Variants in PLXNA4 observed in about 807,000 individuals in gnomAD.
PLXNA4 encodes the protein plexin A4.
PLXNA4 carries 44 observed loss-of-function variants against 191.8 expected under a neutral mutation model. The ratio of observed to expected loss-of-function variants is 0.23; its 90% CI spans 0.18 to 0.29. The LOEUF is 0.29. PLXNA4 is among the 10% of genes least tolerant of loss of function. PLXNA4 has a pLI of 1.00. For missense variants in PLXNA4, 1,800 were observed against 2,488.8 expected, an observed-to-expected ratio of 0.72 and a Z score of 5.89; for synonymous variants, 1,082 against 1,009.5, an observed-to-expected ratio of 1.07 and a Z score of -1.36.
intron 3 of PLXNA4, among the ~76,000 whole-genome samples, chr7:132,486,874 T>G (rs1797579674): frequency 1.3e-5 from 2 of 152,264 alleles, no homozygotes; most frequent in Non-Finnish European, 1.5e-5. Flanking sequence ...GAGGGTTGTC[T>G]CTGAGCGCCT....
chr7:132,164,641 G>A (rs1253417029), intron 23 of PLXNA4, among the ~76,000 whole-genome samples: 1 of 151,628 alleles, frequency 6.6e-6, no homozygotes, highest in Non-Finnish European at 1.5e-5. Flanking sequence ...TCCAAAGGCA[G>A]AGGTCAGTCC....
At chr7:132,450,654 C>A (rs1173740011) in intron 3 of PLXNA4, among the ~76,000 whole-genome samples, 1 of 152,206 alleles carries the variant, frequency 6.6e-6, no homozygotes, top group Non-Finnish European at 1.5e-5. Context: ...GGTGGCATCA[C>A]TCCAGAATTC....
intron 20 of PLXNA4, among the ~76,000 whole-genome samples, chr7:132,176,202 C>CTGGAGAGT (rs1374746468): frequency 6.6e-6 from 1 of 152,216 alleles, no homozygotes; most frequent in Non-Finnish European, 1.5e-5. Context: ...GGGATGCCAC[C>CTGGAGAGT]TGGAGAGTCC....
At chr7:132,203,635 C>G (rs189317220) in intron 10 of PLXNA4, among the ~76,000 whole-genome samples, 2 of 152,314 alleles carry the variant, frequency 1.3e-5, no homozygotes, top group Admixed American at 1.3e-4. Context: ...TGGAAGATAA[C>G]ACAGGGGTGG....
intron 1 of PLXNA4, among the ~76,000 whole-genome samples, chr7:132,548,466 A>G (rs547491870): frequency 1.3e-5 from 2 of 152,308 alleles, no homozygotes; most frequent in East Asian, 1.9e-4. Flanking sequence ...GACAACACTG[A>G]TAACAGTGAG....
chr7:132,574,043 A>G (rs1802108527), intron 1 of PLXNA4, among the ~76,000 whole-genome samples: 1 of 152,202 alleles, frequency 6.6e-6, no homozygotes, highest in Non-Finnish European at 1.5e-5. Context: ...CTTTACAGAG[A>G]TGTTAATTAA....
At chr7:132,243,809 C>T (rs1407974201) in intron 4 of PLXNA4, among the ~76,000 whole-genome samples, 2 of 152,066 alleles carry the variant, frequency 1.3e-5, no homozygotes, top group African/African-American at 4.8e-5. Flanking sequence ...CTTGTACTGT[C>T]ACTTACCTCT....
At chr7:132,452,119 T>A (rs1796145172) in intron 3 of PLXNA4, among the ~76,000 whole-genome samples, 1 of 152,242 alleles carries the variant, frequency 6.6e-6, no homozygotes, top group African/African-American at 2.4e-5. Flanking sequence ...GGCTTAGCCA[T>A]GGGAGTCAGA....
At chr7:132,288,353 G>A (rs1422957774) in intron 4 of PLXNA4, among the ~76,000 whole-genome samples, 2 of 152,190 alleles carry the variant, frequency 1.3e-5, no homozygotes, top group Non-Finnish European at 2.9e-5. Flanking sequence ...TTCTGCCGTG[G>A]TAAAATGCAG....
intron 3 of PLXNA4, among the ~76,000 whole-genome samples, chr7:132,450,898 GT>G (rs1796096269): frequency 6.6e-6 from 1 of 152,170 alleles, no homozygotes; most frequent in Non-Finnish European, 1.5e-5. Flanking sequence ...TAGTCCTCTT[GT>G]TTTATGGCTC....
At chr7:132,366,895 G>A (rs1297101925) in intron 3 of PLXNA4, among the ~76,000 whole-genome samples, 2 of 152,082 alleles carry the variant, frequency 1.3e-5, no homozygotes, top group African/African-American at 4.8e-5. Context: ...CTGAGTAGCT[G>A]GAACCACAGA....
intron 5 of PLXNA4, among the ~76,000 whole-genome samples, chr7:132,235,255 T>A (rs1798660552): frequency 6.6e-6 from 1 of 152,218 alleles, no homozygotes; most frequent in Admixed American, 6.5e-5. Context: ...TGCTGCATTG[T>A]AGGCCCAGCG....
intron 1 of PLXNA4, among the ~76,000 whole-genome samples, chr7:132,564,069 T>C (rs1291172074): frequency 2.0e-4 from 12 of 61,232 alleles, no homozygotes; most frequent in Non-Finnish European, 3.1e-4. Context: ...TCCTCCTCCT[T>C]CTCCTCCTCC....
intron 3 of PLXNA4, among the ~76,000 whole-genome samples, chr7:132,345,148 T>C (rs747314984): frequency 9.1e-4 from 139 of 152,332 alleles, no homozygotes; most frequent in Non-Finnish European, 6.2e-4. Flanking sequence ...GAGTGTTAAA[T>C]AATAAAATAC....
intron 3 of PLXNA4, among the ~76,000 whole-genome samples, chr7:132,359,014 G>A (rs897702893): frequency 6.6e-6 from 1 of 152,144 alleles, no homozygotes; most frequent in African/African-American, 2.4e-5. Flanking sequence ...GACCACCTGG[G>A]CTCTAGACCC....
chr7:132,160,884 T>C (rs936158811), intron 24 of PLXNA4, among the ~76,000 whole-genome samples: 3 of 152,096 alleles, frequency 2.0e-5, no homozygotes, highest in Admixed American at 6.6e-5. Flanking sequence ...TAGACTGCTA[T>C]GAGCTCAAAT....
chr7:132,599,296 G>A (rs1253262780), intron 2 of PLXNA4, among the ~76,000 whole-genome samples: 1 of 152,118 alleles, frequency 6.6e-6, no homozygotes, highest in African/African-American at 2.4e-5. Flanking sequence ...TGATTCAAAG[G>A]TGCAACACAC....
At chr7:132,233,279 C>T (rs1296841052) in intron 5 of PLXNA4, among the ~76,000 whole-genome samples, 3 of 152,166 alleles carry the variant, frequency 2.0e-5, no homozygotes. Flanking sequence ...TTAAGAATGA[C>T]CACAGTAATG....
intron 3 of PLXNA4, among the ~76,000 whole-genome samples, chr7:132,314,204 C>T (rs1212158074): frequency 6.6e-6 from 1 of 152,160 alleles, no homozygotes; most frequent in South Asian, 2.1e-4. Context: ...CAGAACCAAA[C>T]AAAAGTCTCA....
Sources: allele counts gnomAD v4.1 joint callset (sites outside exome capture counted in the v4.1 genomes callset), GRCh38; gene constraint gnomAD v4.1.1; transcripts MANE v1.5; gene names NCBI Gene and HGNC (gene_info 2026-07-23, HGNC 2026-07-21).